Variants in ADCY1 observed in about 807,000 individuals in gnomAD.
ADCY1 encodes the protein adenylate cyclase type 1.
A neutral mutation model predicts 105.4 loss-of-function variants in ADCY1; 28 were observed. The ratio of observed to expected loss-of-function variants is 0.27; its 90% CI spans 0.20 to 0.36. The LOEUF is 0.36. ADCY1 is among the 10% of genes least tolerant of loss of function. The probability of loss-of-function intolerance (pLI) is 1.00; values close to 1 mark genes in which losing one functional copy is unlikely to be tolerated. For synonymous variants in ADCY1, 655 were observed against 623.8 expected (o/e 1.05, Z -0.75); for missense variants, 977 against 1,434.2 (o/e 0.68, Z 5.15).
intron 1 of ADCY1, among the ~76,000 whole-genome samples, chr7:45,583,955 T>G (rs184402975): frequency 1.7e-4 from 24 of 139,612 alleles, no homozygotes; most frequent in Admixed American, 9.1e-4. Flanking sequence ...TTTTTTTTTT[T>G]TTTTTTTTTT....
chr7:45,583,217 G>C (rs1792616303), intron 1 of ADCY1, among the ~76,000 whole-genome samples: 1 of 152,234 alleles, frequency 6.6e-6, no homozygotes, highest in African/African-American at 2.4e-5. Context: ...GTGCATGTGT[G>C]CATGCATGTG....
At position 45,686,106 on chromosome 7, in the gene ADCY1, C is replaced by T; in HGVS notation, c.2218C>T (p.Pro740Ser). The change falls in exon 13 of 20, where the codon CCG becomes TCG. Residue 740 changes from proline to serine, a missense_variant. Pro to Ser is a moderately conservative substitution (Grantham distance 74). This residue lies in a region of ADCY1 where 275 missense variants were observed against 362.1 expected (regional missense o/e 0.76). Coordinates refer to ENST00000297323, the MANE Select transcript of ADCY1 (RefSeq NM_021116.4). The surrounding 1 kb of genome is among the most constrained non-coding windows in gnomAD (Gnocchi z 4.3). ...ALLCCLVGTL[P>S]LAIFFRVSSL... is the part of the protein sequence containing the mutation. ...GCTCTGCTGCCTGGTGGGCACCCTC[C>T]CGCTAGCCATATTTTTCCGGGTGTC... 1 of 1,614,138 alleles carries T rather than the reference C, an allele frequency of 6.2e-7. No homozygotes were observed. The highest frequency in any genetic ancestry group is 8.5e-7 in the Non-Finnish European group (1 of 1,180,000).
At chr7:45,676,430 T>C (rs1784457426) in intron 8 of ADCY1, among the ~76,000 whole-genome samples, 1 of 152,224 alleles carries the variant, frequency 6.6e-6, no homozygotes, top group African/African-American at 2.4e-5. Context: ...TTTCTTTTTT[T>C]TTATGTCCTA....
intron 4 of ADCY1, among the ~76,000 whole-genome samples, chr7:45,628,117 C>T (rs1400280704): frequency 1.3e-5 from 2 of 152,224 alleles, no homozygotes; most frequent in African/African-American, 4.8e-5. Context: ...GATCCAGAAC[C>T]ACTCATCAGA....
In ADCY1 at chr7:45,703,517, C is replaced by A; in HGVS notation, c.2571+25C>A. Reference sequence around the variant, plus strand: ...GGTGAGCACCCAGCCTGCTCCTGGCCAGCACTAGCCCTACACTGCTCTGGC... The same window carrying A: ...GGTGAGCACCCAGCCTGCTCCTGGCAAGCACTAGCCCTACACTGCTCTGGC... On this transcript the variant is annotated intron_variant, in intron 15 of 19. Transcript: ENST00000297323. The surrounding 1 kb of genome is among the most constrained non-coding windows in gnomAD (Gnocchi z 5.9). The A allele has an allele frequency of 6.2e-7, 1 of 1,613,916 alleles. No individual in the cohort carries two copies. The highest frequency in any genetic ancestry group is 1.1e-5 in the South Asian group (1 of 91,072).
chr7:45,630,597 A>G (rs1794216872), intron 4 of ADCY1, among the ~76,000 whole-genome samples: 1 of 151,998 alleles, frequency 6.6e-6, no homozygotes. Context: ...CTGTCTTCAT[A>G]TTGCTGTGTG....
intron 14 of ADCY1, among the ~76,000 whole-genome samples, chr7:45,700,005 C>T (rs910401433): frequency 6.6e-6 from 1 of 152,216 alleles, no homozygotes; most frequent in African/African-American, 2.4e-5. Context: ...AGGGCTGGGA[C>T]TGCACAATCC....
intron 5 of ADCY1, among the ~76,000 whole-genome samples, chr7:45,655,605 A>G (rs936451789): frequency 6.6e-6 from 1 of 152,184 alleles, no homozygotes; most frequent in Non-Finnish European, 1.5e-5. Flanking sequence ...GGCAGATCTG[A>G]TGTTACCAAG....
chr7:45,678,867 C>T (rs900699499), intron 10 of ADCY1, among the ~76,000 whole-genome samples: 6 of 150,950 alleles, frequency 4.0e-5, no homozygotes, highest in African/African-American at 1.5e-4. Flanking sequence ...GCCTGGATGA[C>T]ATAGTGAGAC....
At position 45,703,844 on chromosome 7, in the gene ADCY1, G is replaced by C. The variant is rs967552564; in HGVS notation, c.2718+98G>C. ...CTCACAATATGTCACATTCTTCGTA[G>C]CTGGAATGAGAGAAAGCAAATCCCG... is the stretch of plus-strand genomic sequence containing the variant. On this transcript the variant is annotated intron_variant, in intron 16 of 19. Coordinates refer to ENST00000297323, the MANE Select transcript of ADCY1 (RefSeq NM_021116.4). The surrounding 1 kb of genome is among the most constrained non-coding windows in gnomAD (Gnocchi z 5.9). 11 of 1,452,546 alleles carry C rather than the reference G, an allele frequency of 7.6e-6. No homozygotes were observed. The highest frequency in any genetic ancestry group is 7.4e-6 in the Non-Finnish European group (8 of 1,084,648). 90.0% of individuals were successfully genotyped at this position (1,452,546 alleles called of 1,614,324 possible).
At position 45,686,784 on chromosome 7, in the gene ADCY1, C is replaced by A; in HGVS notation, c.2454+111C>A. On this transcript the variant is annotated intron_variant, in intron 14 of 19. Transcript: ENST00000297323. This position sits in a 1 kb window ranked among gnomAD's most constrained non-coding sequence, Gnocchi z 4.3. ...AGACACCCACACGCCGTATGGCCCT[C>A]GGAGGGCCCTCCTCAGCAGCATGCA... is the stretch of plus-strand genomic sequence containing the variant. The A allele has an allele frequency of 7.0e-7, 1 of 1,431,670 alleles. No individual in the cohort carries two copies. Among genetic ancestry groups the A allele is most frequent in the East Asian group, 2.4e-5 (1 of 41,252 alleles). The allele number at this position is 1,431,670 out of a possible 1,614,324, so 88.7% of individuals were successfully genotyped here.
chr7:45,587,352 G>T (rs957301808), intron 1 of ADCY1, among the ~76,000 whole-genome samples: 2 of 152,182 alleles, frequency 1.3e-5, no homozygotes, highest in Non-Finnish European at 2.9e-5. Flanking sequence ...GGGAGGTGGC[G>T]CTCCATCCAG....
rs553883770 is a variant in ADCY1, at chr7:45,668,704, G to A, written c.1605+6490G>A. ...TGATTGGAATACTTTCAGAAGGAAT[G>A]GTAGCAGCTCCTCCTTGTACCTCTG... On this transcript the variant is annotated intron_variant, in intron 8 of 19. Transcript: ENST00000297323. Among the ~76,000 whole-genome samples the A allele has an allele frequency of 1.6e-3, 237 of 152,310 alleles. 1 individual carries two copies. The highest frequency in any genetic ancestry group is 5.6e-3 in the African/African-American group (233 of 41,558).
chr7:45,681,972 C>T (rs991899618), intron 11 of ADCY1, among the ~76,000 whole-genome samples: 3 of 152,332 alleles, frequency 2.0e-5, no homozygotes, highest in African/African-American at 7.2e-5. Flanking sequence ...GGGACCTTCA[C>T]CCCTATCTGG....
intron 2 of ADCY1, among the ~76,000 whole-genome samples, chr7:45,603,177 A>G (rs911405232): frequency 6.6e-6 from 1 of 152,336 alleles, no homozygotes; most frequent in Admixed American, 6.5e-5. Flanking sequence ...ATTCCACTGT[A>G]TGGATGGATC....
chr7:45,703,252 G>A lies in ADCY1; in HGVS notation c.2455-124G>A, dbSNP rs1785036006. ...TGCATCTAGTGGGGAGGAGGGACAG[G>A]AGCGTGGATGTAGACCATCAGCACA... On this transcript the variant is annotated intron_variant, in intron 14 of 19. Coordinates refer to ENST00000297323, the MANE Select transcript of ADCY1 (RefSeq NM_021116.4). The surrounding 1 kb of genome is among the most constrained non-coding windows in gnomAD (Gnocchi z 5.9). 3.6e-6 allele frequency: 3 copies of A among 843,850 alleles called. No individual in the cohort carries two copies. The highest frequency in any genetic ancestry group is 6.1e-6 in the Non-Finnish European group (3 of 494,754). The allele number at this position is 843,850 out of a possible 1,614,324, so 52.3% of individuals were successfully genotyped here.
intron 1 of ADCY1, among the ~76,000 whole-genome samples, chr7:45,583,951 T>TTTG (rs1792642798): frequency 6.9e-6 from 1 of 145,414 alleles, no homozygotes. Flanking sequence ...TTTTTTTTTT[T>TTTG]TTTTTTTTTT....
At chr7:45,689,313 A>C (rs145482112) in intron 14 of ADCY1, among the ~76,000 whole-genome samples, 2 of 152,114 alleles carry the variant, frequency 1.3e-5, no homozygotes, top group Admixed American at 1.3e-4. Context: ...TTGCACTGCT[A>C]TAAAGGAATA....
rs964121429 is a variant in ADCY1, at chr7:45,592,963, G to A, written c.789+55G>A. Reference sequence around the variant, plus strand: ...GGGTTGGCTGTGGGGCTGGGGAGGTGGAAGAAGCTGGCTTCCTGAGCCTCA... The same window carrying A: ...GGGTTGGCTGTGGGGCTGGGGAGGTAGAAGAAGCTGGCTTCCTGAGCCTCA... On this transcript the variant is annotated intron_variant, in intron 2 of 19. Coordinates refer to ENST00000297323, the MANE Select transcript of ADCY1 (RefSeq NM_021116.4). The A allele has an allele frequency of 3.8e-5, 60 of 1,598,142 alleles. 2 individuals are homozygous for A. In the South Asian group the frequency reaches 6.5e-4, roughly 17 times the overall value.
Sources: gnomAD v4.1 joint callset for allele counts (sites outside exome capture counted in the v4.1 genomes callset) on GRCh38, gnomAD v4.1.1 for gene constraint, gnomAD v4.1.1 regional missense constraint, Gnocchi (gnomAD v3.1) non-coding constraint, MANE v1.5 for transcripts, NCBI Gene and HGNC (gene_info 2026-07-23, HGNC 2026-07-21) for gene names.